USH1C: variants seen among roughly 807,000 people sequenced by gnomAD.
USH1C encodes the protein harmonin.
A neutral mutation model predicts 119.3 loss-of-function variants in USH1C; 90 were observed. That is an observed-to-expected ratio of 0.75 (90% confidence interval 0.64 to 0.90). USH1C has a LOEUF of 0.90. Ranked by LOEUF, USH1C falls within the 40% of genes least tolerant of loss-of-function variation. The probability of loss-of-function intolerance (pLI) is 0.00; values close to 1 mark genes in which losing one functional copy is unlikely to be tolerated. For synonymous variants in USH1C, 465 were observed against 443.3 expected (o/e 1.05, Z -0.62); for missense variants, 1,165 against 1,167.7 (o/e 1.00, Z 0.03).
chr11:17,524,291 A>C (rs1337392165), intron 9 of USH1C, among the ~76,000 whole-genome samples, 160 bp downstream of exon 9: 3 of 152,188 alleles, frequency 2.0e-5, no homozygotes, highest in African/African-American at 7.2e-5. Flanking sequence ...AAACATCCCC[A>C]GTCTGTGAAG....
Position 17,509,470 on chromosome 11 carries a change from ATGGTTGC to A in USH1C, c.1892_1898del (p.Ser631IlefsTer74). 1 of 1,395,326 alleles carries A rather than the reference ATGGTTGC, an allele frequency of 7.2e-7. No homozygotes were observed. Among genetic ancestry groups the A allele is most frequent in the Non-Finnish European group, 9.6e-7 (1 of 1,045,882 alleles). 86.4% of individuals were successfully genotyped at this position (1,395,326 alleles called of 1,614,324 possible). On this transcript the variant is annotated frameshift_variant, in exon 18 of 27. Transcript: ENST00000005226. LOFTEE classifies it high-confidence loss of function. The stretch of plus-strand genomic sequence containing the variant: ...TGCCTGTGTCCCCAGTGCGGAAGGG[ATGGTTGC>A]TCAGTGCTTCTTCCAGCGCCGAGGG...
intron 24 of USH1C, among the ~76,000 whole-genome samples, chr11:17,497,390 ATC>A (rs953387975): frequency 6.6e-6 from 1 of 151,954 alleles, no homozygotes; most frequent in Non-Finnish European, 1.5e-5. Context: ...TTGAGCTGAA[ATC>A]TCTCTCTCTT....
At chr11:17,533,715 T>A (rs1332839697) in intron 1 of USH1C, 2 of 475,828 alleles carry the variant, frequency 4.2e-6, no homozygotes, top group East Asian at 1.3e-4. Flanking sequence ...GCCCACTGTC[T>A]TACCTGATGG....
intron 1 of USH1C, among the ~76,000 whole-genome samples, chr11:17,539,466 TG>T (rs113938740): frequency 0.014 from 2,106 of 151,332 alleles, 51 homozygotes; most frequent in African/African-American, 0.049. Context: ...GATTAATCAT[TG>T]TTTTTTAGTA....
In USH1C at chr11:17,501,543, G is replaced by A. The variant is rs758112290; in HGVS notation, c.2227-8C>T. 3.7e-6 allele frequency: 6 copies of A among 1,611,106 alleles called. No homozygotes were observed. In the East Asian group the frequency reaches 8.9e-5, roughly 24 times the overall value. Reference sequence around the variant, plus strand: ...GATCTGCTCTGGGGTGAACTAGAGAGAAAAAGACAGTGGGAAGCTTTGAGC... The same window carrying A: ...GATCTGCTCTGGGGTGAACTAGAGAAAAAAAGACAGTGGGAAGCTTTGAGC... On this transcript the variant is annotated splice_region_variant and splice_polypyrimidine_tract_variant and intron_variant, in intron 21 of 26. Transcript: ENST00000005226.
rs150522757 is a variant in USH1C at position 17,527,323 on chromosome 11, G to A, written c.396C>T (p.Asp132=). Residue 132 remains aspartate (D), a synonymous_variant, in exon 5 of 27, where the codon GAC becomes GAT. Coordinates refer to ENST00000005226, the MANE Select transcript of USH1C (RefSeq NM_153676.4). ...QADSVGLQVG[D]EIVRINGYSI... is the part of the protein sequence containing the mutation. ...AATATCCATTGATCCGGACGATCTC[G>A]TCCCCTACCTTGACCACAGAGAGAG... 8.7e-5 allele frequency: 140 copies of A among 1,611,176 alleles called. No individual in the cohort carries two copies. Among genetic ancestry groups the A allele is most frequent in the Non-Finnish European group, 1.0e-4 (121 of 1,179,692 alleles).
chr11:17,500,716 G>A (rs1486747312), intron 23 of USH1C, among the ~76,000 whole-genome samples: 1 of 152,110 alleles, frequency 6.6e-6, no homozygotes, highest in African/African-American at 2.4e-5. Context: ...GGCCCCTCAG[G>A]GTTCCCATGG....
intron 15 of USH1C, among the ~76,000 whole-genome samples, chr11:17,513,341 C>CCA (rs1565038416): frequency 1.8e-4 from 27 of 151,992 alleles, no homozygotes; most frequent in African/African-American, 6.3e-4. Context: ...AGCTCACCCC[C>CCA]GCCCCCAACA....
intron 24 of USH1C, among the ~76,000 whole-genome samples, chr11:17,497,197 G>A (rs938462860): frequency 3.9e-5 from 6 of 152,118 alleles, no homozygotes; most frequent in South Asian, 2.1e-4. Flanking sequence ...GGGTAATTCC[G>A]ACGCACTTTC....
At chr11:17,507,138 G>A (rs890768539) in intron 18 of USH1C, among the ~76,000 whole-genome samples, 11 of 152,134 alleles carry the variant, frequency 7.2e-5, no homozygotes, top group Non-Finnish European at 1.0e-4. Context: ...CTGTGTGGGC[G>A]TGTGGTCACT....
chr11:17,524,067 GA>G (rs1850549038), intron 9 of USH1C, among the ~76,000 whole-genome samples: 1 of 152,196 alleles, frequency 6.6e-6, no homozygotes, highest in East Asian at 1.9e-4. Context: ...CACGATTTTG[GA>G]AAAATCATAT....
intron 14 of USH1C, among the ~76,000 whole-genome samples, chr11:17,518,782 G>A (rs1850272283): frequency 6.6e-6 from 1 of 152,192 alleles, no homozygotes; most frequent in Non-Finnish European, 1.5e-5. Context: ...CACTTTGGGA[G>A]GTGGAGACGG....
At chr11:17,525,818 C>T (rs1850642158) in intron 8 of USH1C, among the ~76,000 whole-genome samples, 1 of 152,228 alleles carries the variant, frequency 6.6e-6, no homozygotes, top group Admixed American at 6.5e-5. Flanking sequence ...CCTCAATTTC[C>T]TCATCTGTAA....
chr11:17,527,346 G>A lies in USH1C; in HGVS notation c.388-15C>T, dbSNP rs1394280590. The A allele has an allele frequency of 6.3e-7, 1 of 1,592,888 alleles. No individual in the cohort carries two copies. Among genetic ancestry groups the A allele is most frequent in the Non-Finnish European group, 8.6e-7 (1 of 1,165,996 alleles). On this transcript the variant is annotated splice_polypyrimidine_tract_variant and intron_variant, in intron 4 of 26. Coordinates refer to ENST00000005226, the MANE Select transcript of USH1C (RefSeq NM_153676.4). ...TCGTCCCCTACCTTGACCACAGAGA[G>A]AGGCAGGGAGCACCAGGTGGAGGGA... is the stretch of plus-strand genomic sequence containing the variant.
chr11:17,515,617 A>G lies in USH1C; in HGVS notation c.1260+624T>C, dbSNP rs910321571. On this transcript the variant is annotated intron_variant, in intron 15 of 26. Transcript: ENST00000005226. ...AGATATTAACAGCAATGTTTTCACA[A>G]TCAAATGTCAATGTGATTTAGAAAG... Among the ~76,000 whole-genome samples, 5 of 152,216 alleles carry G rather than the reference A, an allele frequency of 3.3e-5. No homozygotes were observed. In the South Asian group the frequency reaches 6.2e-4, roughly 19 times the overall value.
intron 21 of USH1C, 22 bp from the exon 22 acceptor site, chr11:17,501,557 G>A (rs1392715769): frequency 1.9e-6 from 3 of 1,607,818 alleles, no homozygotes; most frequent in Non-Finnish European, 1.7e-6. Context: ...AAGACAGTGG[G>A]AAGCTTTGAG....
At chr11:17,502,261 C>T (rs1591964335) in intron 20 of USH1C, among the ~76,000 whole-genome samples, 1 of 152,098 alleles carries the variant, frequency 6.6e-6, no homozygotes, top group Admixed American at 6.5e-5. Flanking sequence ...GCACCAGTGA[C>T]GTCTAGATGG....
chr11:17,512,388 C>T (rs1849932346), intron 15 of USH1C, among the ~76,000 whole-genome samples: 1 of 152,130 alleles, frequency 6.6e-6, no homozygotes, highest in Non-Finnish European at 1.5e-5. Context: ...AGGCTTGCCA[C>T]CCAGTGCCAA....
At chr11:17,534,935 G>C (rs963082444) in intron 1 of USH1C, among the ~76,000 whole-genome samples, 1 of 151,298 alleles carries the variant, frequency 6.6e-6, no homozygotes, top group African/African-American at 2.4e-5. Context: ...TGCTTGAGTG[G>C]GTGGTACTAA....
Sources: gnomAD v4.1 joint callset for allele counts (sites outside exome capture counted in the v4.1 genomes callset) on GRCh38, gnomAD v4.1.1 for gene constraint, MANE v1.5 for transcripts, NCBI Gene and HGNC (gene_info 2026-07-23, HGNC 2026-07-21) for gene names.